Variants in ERP27 observed in about 807,000 individuals in gnomAD.
The protein encoded by ERP27 is endoplasmic reticulum protein 27.
In ERP27, 23 loss-of-function variants were observed where a neutral mutation model predicts 27.7. That is an observed-to-expected ratio of 0.83 (90% CI 0.60 to 1.18). The LOEUF (loss-of-function observed/expected upper bound fraction) is 1.18. ERP27 is among the 50% of genes most tolerant of loss of function. ERP27 has a pLI of 0.00. For missense variants in ERP27, 363 were observed against 327.9 expected (o/e 1.11, Z -0.83); for synonymous variants, 159 against 118.3 (o/e 1.34, Z -2.23).
intron 3 of ERP27, among the ~76,000 whole-genome samples, chr12:14,924,605 C>G (rs941821126): frequency 1.3e-5 from 2 of 152,076 alleles, no homozygotes; most frequent in African/African-American, 2.4e-5. Context: ...TGTGGTTTTC[C>G]AGTTTTTAAT....
intron 5 of ERP27, among the ~76,000 whole-genome samples, chr12:14,916,624 A>T (rs1863414604): frequency 6.6e-6 from 1 of 152,142 alleles, no homozygotes. Flanking sequence ...AGAACCAACC[A>T]TCAGAAAGGC....
chr12:14,935,842 C>A (rs913267082), intron 2 of ERP27, among the ~76,000 whole-genome samples: 3 of 152,312 alleles, frequency 2.0e-5, no homozygotes, highest in Non-Finnish European at 1.5e-5. Flanking sequence ...CCACAGCCTC[C>A]TGAGTAGCTG....
At chr12:14,929,655 T>G (rs1338044079) in intron 3 of ERP27, among the ~76,000 whole-genome samples, 12 of 152,192 alleles carry the variant, frequency 7.9e-5, no homozygotes. Context: ...TAAAACATAA[T>G]TTTGAGTTTC....
chr12:14,915,755 G>GTAAT, intron 5 of ERP27, 69 bp from the exon 6 acceptor site: 1 of 1,391,646 alleles, frequency 7.2e-7, no homozygotes, highest in Non-Finnish European at 1.0e-6. Context: ...GAGATACCTT[G>GTAAT]TAATTGTTGC....
intron 3 of ERP27, among the ~76,000 whole-genome samples, chr12:14,930,456 A>G (rs1863681236): frequency 1.3e-5 from 2 of 152,242 alleles, no homozygotes; most frequent in South Asian, 4.1e-4. Flanking sequence ...TAAACATTCA[A>G]ATAATATTTC....
chr12:14,922,361 T>C (rs1174310328), intron 3 of ERP27, among the ~76,000 whole-genome samples: 2 of 152,242 alleles, frequency 1.3e-5, no homozygotes, highest in African/African-American at 2.4e-5. Flanking sequence ...GTGGTTTTAA[T>C]TGCATTTCTC....
At chr12:14,929,275 T>C (rs1475104333) in intron 3 of ERP27, 2 of 537,044 alleles carry the variant, frequency 3.7e-6, no homozygotes, top group Non-Finnish European at 5.6e-6. Flanking sequence ...TAAGTGGTGA[T>C]AACATTCTCT....
chr12:14,935,123 T>C (rs1284577405), intron 2 of ERP27, 130 bp from the exon 3 acceptor site: 2 of 1,464,890 alleles, frequency 1.4e-6, no homozygotes, highest in East Asian at 2.5e-5. Flanking sequence ...TAACACATGA[T>C]TTACCCCTAA....
chr12:14,920,773 T>C (rs1236153335), intron 4 of ERP27, among the ~76,000 whole-genome samples, 159 bp downstream of exon 4: 2 of 152,184 alleles, frequency 1.3e-5, no homozygotes, highest in Admixed American at 6.5e-5. Context: ...AGGAACAAGT[T>C]AAATCTTAAA....
intron 5 of ERP27, 72 bp from the exon 6 acceptor site, chr12:14,915,758 A>G: frequency 7.4e-7 from 1 of 1,356,270 alleles, no homozygotes. Context: ...ATACCTTGTA[A>G]TTGTTGCAGC....
chr12:14,936,360 G>A (rs1213678193), intron 2 of ERP27, among the ~76,000 whole-genome samples: 1 of 152,174 alleles, frequency 6.6e-6, no homozygotes, highest in East Asian at 1.9e-4. Context: ...AGGCCTGCAG[G>A]AGGCAGCAGA....
In ERP27 at chr12:14,915,539, C is replaced by T. The variant is rs760691976; in HGVS notation, c.724G>A (p.Val242Ile). The T allele has an allele frequency of 8.7e-6, 14 of 1,614,204 alleles. No individual in the cohort carries two copies. Among genetic ancestry groups the T allele is most frequent in the South Asian group, 5.5e-5 (5 of 91,080 alleles). ...TCACAAAAGTTTTGCACATGCTCTA[C>T]GGAAACTTCTGCTGTGGGCAGTGTA... The part of the protein sequence containing the change: ...WDTLPTAEVS[V>I]EHVQNFCDGF... Residue 242 changes from valine (V) to isoleucine (I), a missense_variant, in exon 6 of 7, where the codon GTA (valine) becomes ATA (isoleucine). By Grantham distance (29) the Val-to-Ile change is conservative (BLOSUM62 3). Coordinates refer to ENST00000266397, the MANE Select transcript of ERP27 (RefSeq NM_152321.4).
intron 4 of ERP27, among the ~76,000 whole-genome samples, chr12:14,920,414 T>C (rs949736797): frequency 1.3e-5 from 2 of 152,216 alleles, no homozygotes; most frequent in Non-Finnish European, 2.9e-5. Flanking sequence ...TTAGAAACAA[T>C]TACAGAAACT....
At chr12:14,929,066 T>G (rs1376580246) in intron 3 of ERP27, 1 of 1,530,916 alleles carries the variant, frequency 6.5e-7, no homozygotes, top group Non-Finnish European at 8.7e-7. Context: ...AAATGCTTCC[T>G]GACTATTTTT....
chr12:14,937,431 T>C, intron 2 of ERP27, among the ~76,000 whole-genome samples: 1 of 152,128 alleles, frequency 6.6e-6, no homozygotes, highest in East Asian at 1.9e-4. Context: ...ATATACAAAA[T>C]GCCATCATTT....
chr12:14,932,106 A>G, intron 3 of ERP27, among the ~76,000 whole-genome samples: 1 of 152,168 alleles, frequency 6.6e-6, no homozygotes, highest in East Asian at 1.9e-4. Flanking sequence ...GCACCCTCCG[A>G]GTGCCTTTAA....
At chr12:14,928,418 A>G (rs1863642992) in intron 3 of ERP27, among the ~76,000 whole-genome samples, 1 of 152,196 alleles carries the variant, frequency 6.6e-6, no homozygotes, top group African/African-American at 2.4e-5. Context: ...ACTAAAAGCA[A>G]TAAGAACTCT....
At chr12:14,929,096 G>A in intron 3 of ERP27, 2 of 1,517,452 alleles carry the variant, frequency 1.3e-6, no homozygotes, top group African/African-American at 1.4e-5. Context: ...CCTAGGTCTG[G>A]TGCCTGCACC....
chr12:14,919,164 A>G (rs535056324), intron 4 of ERP27, among the ~76,000 whole-genome samples: 1 of 152,378 alleles, frequency 6.6e-6, no homozygotes, highest in South Asian at 2.1e-4. Context: ...AAACAGCTAT[A>G]GTAGAATGGG....
Sources: allele counts gnomAD v4.1 joint callset (sites outside exome capture counted in the v4.1 genomes callset), GRCh38; gene constraint gnomAD v4.1.1; transcripts MANE v1.5; gene names NCBI Gene and HGNC (gene_info 2026-07-23, HGNC 2026-07-21).